Variants in GRID2 observed in about 807,000 individuals in gnomAD.
GRID2 encodes the protein glutamate receptor ionotropic, delta-2.
Under a neutral mutation model 114.8 loss-of-function variants are expected in GRID2, and 33 were observed. The ratio of observed to expected loss-of-function variants is 0.29; its 90% CI spans 0.22 to 0.38. The LOEUF (loss-of-function observed/expected upper bound fraction) is 0.38, where lower values mean the gene tolerates loss of function less well. GRID2 is among the 10% of genes least tolerant of loss of function. GRID2 has a pLI of 1.00. For missense variants in GRID2, 1,184 were observed against 1,257.7 expected (o/e 0.94, Z 0.89); for synonymous variants, 505 against 449.9 (o/e 1.12, Z -1.55).
At chr4:93,623,551 C>G (rs577462836) in intron 13 of GRID2, among the ~76,000 whole-genome samples, 117 of 152,244 alleles carry the variant, frequency 7.7e-4, no homozygotes, top group African/African-American at 2.7e-3. Context: ...TTTATTGCAG[C>G]ACTATTCACA....
At chr4:92,615,928 T>C (rs953057478) in intron 2 of GRID2, among the ~76,000 whole-genome samples, 3 of 151,676 alleles carry the variant, frequency 2.0e-5, no homozygotes, top group African/African-American at 4.8e-5. Context: ...ACTGTTATTA[T>C]GCTGTTATTG....
At chr4:93,495,872 A>G (rs1333652991) in intron 12 of GRID2, among the ~76,000 whole-genome samples, 1 of 151,768 alleles carries the variant, frequency 6.6e-6, no homozygotes, top group Non-Finnish European at 1.5e-5. Context: ...ATTTTGTTTA[A>G]GATATTTAAA....
chr4:93,748,622 G>T (rs1439574048), intron 14 of GRID2, among the ~76,000 whole-genome samples: 2 of 152,146 alleles, frequency 1.3e-5, no homozygotes, highest in African/African-American at 2.4e-5. Flanking sequence ...TTACTTAAAG[G>T]CATGTGTGTA....
At chr4:92,550,381 C>T (rs536665523) in intron 1 of GRID2, among the ~76,000 whole-genome samples, 2 of 152,160 alleles carry the variant, frequency 1.3e-5, no homozygotes, top group South Asian at 4.1e-4. Context: ...TAAGAACCAT[C>T]AACTTATTCT....
chr4:93,200,236 TAAAAG>T (rs1051796572), intron 4 of GRID2, among the ~76,000 whole-genome samples: 1 of 152,182 alleles, frequency 6.6e-6, no homozygotes. Context: ...TAAAAATAAT[TAAAAG>T]GAAAGAAGCA....
At chr4:92,773,020 G>T (rs1738616551) in intron 2 of GRID2, among the ~76,000 whole-genome samples, 1 of 152,078 alleles carries the variant, frequency 6.6e-6, no homozygotes, top group Admixed American at 6.6e-5. Context: ...TCAGCACAAT[G>T]GAAATTTGTA....
intron 2 of GRID2, among the ~76,000 whole-genome samples, chr4:92,693,366 T>G (rs1734272687): frequency 6.6e-6 from 1 of 152,212 alleles, no homozygotes; most frequent in Non-Finnish European, 1.5e-5. Context: ...CCTGTAGACA[T>G]AAATATTCTC....
rs76706990 is a variant in GRID2 at position 92,881,525 on chromosome 4, A to C, written c.245-203470A>C. Among the ~76,000 whole-genome samples, 1,152 of 152,262 alleles carry C rather than the reference A, an allele frequency of 7.6e-3. 18 individuals are homozygous for C. The highest frequency in any genetic ancestry group is 0.026 in the African/African-American group (1,091 of 41,556). On this transcript the variant is annotated intron_variant, in intron 2 of 15. Transcript: ENST00000282020. ...GCTTCCTTTTTTTTCCTGACCCAAT[A>C]ATTGATTTGCATTACAACACAAGTC...
intron 1 of GRID2, among the ~76,000 whole-genome samples, chr4:92,500,732 C>T (rs1009644830): frequency 4.6e-5 from 7 of 152,076 alleles, no homozygotes; most frequent in African/African-American, 1.4e-4. Flanking sequence ...GTAATCCTGC[C>T]TGATACCTGA....
intron 1 of GRID2, among the ~76,000 whole-genome samples, chr4:92,432,053 G>T (rs1454935013): frequency 6.6e-6 from 1 of 152,170 alleles, no homozygotes; most frequent in Admixed American, 6.5e-5. Flanking sequence ...GGTTTACCAG[G>T]CGGGGAATCT....
At chr4:93,037,201 T>C (rs1437761081) in intron 2 of GRID2, among the ~76,000 whole-genome samples, 2 of 152,204 alleles carry the variant, frequency 1.3e-5, no homozygotes, top group Non-Finnish European at 2.9e-5. Flanking sequence ...TGATGAACTC[T>C]CAAGTCCCTA....
In GRID2 at chr4:93,607,632, C is replaced by A. The variant is rs987297635; in HGVS notation, c.2194-18637C>A. On this transcript the variant is annotated intron_variant, in intron 13 of 15. Transcript: ENST00000282020. ...ATGTTGCTTTTGAAAAAGGCTATAA[C>A]ATTTTCCTGTTTCCACTAGCAATAT... 3.3e-5 allele frequency among the ~76,000 whole-genome samples: 5 copies of A among 152,210 alleles called. No individual in the cohort carries two copies. In the East Asian group the frequency reaches 7.7e-4, roughly 24 times the overall value.
intron 10 of GRID2, among the ~76,000 whole-genome samples, chr4:93,453,586 T>G (rs940676755): frequency 6.6e-6 from 1 of 152,150 alleles, no homozygotes; most frequent in Non-Finnish European, 1.5e-5. Context: ...GCTATTTTTA[T>G]TCTATTTTAA....
chr4:93,474,913 A>T (rs1297105602), intron 11 of GRID2, among the ~76,000 whole-genome samples: 1 of 152,148 alleles, frequency 6.6e-6, no homozygotes, highest in African/African-American at 2.4e-5. Context: ...ATACTTAACA[A>T]ATAGAGGCTT....
intron 2 of GRID2, among the ~76,000 whole-genome samples, chr4:92,858,188 T>C (rs1486960177): frequency 1.3e-5 from 2 of 152,236 alleles, no homozygotes; most frequent in African/African-American, 4.8e-5. Flanking sequence ...ACAACATTCA[T>C]TCTGAAGAAC....
chr4:93,371,017 C>T (rs919404082), intron 8 of GRID2, among the ~76,000 whole-genome samples: 9 of 152,136 alleles, frequency 5.9e-5, no homozygotes, highest in African/African-American at 2.2e-4. Context: ...ACCAGGAACT[C>T]AATATGGAGA....
chr4:92,808,551 C>T (rs569893912), intron 2 of GRID2, among the ~76,000 whole-genome samples: 11 of 152,056 alleles, frequency 7.2e-5, no homozygotes, highest in African/African-American at 2.4e-4. Context: ...ACTTCCATTT[C>T]GGAAGAAACT....
chr4:92,470,935 A>G (rs1378500103), intron 1 of GRID2, among the ~76,000 whole-genome samples: 1 of 152,024 alleles, frequency 6.6e-6, no homozygotes, highest in Non-Finnish European at 1.5e-5. Flanking sequence ...AGCAATGTAC[A>G]TTATAATTTT....
At chr4:92,483,375 C>T (rs1722710605) in intron 1 of GRID2, among the ~76,000 whole-genome samples, 2 of 151,992 alleles carry the variant, frequency 1.3e-5, no homozygotes, top group South Asian at 4.1e-4. Context: ...ACCACAATAA[C>T]AATACAAGCT....
Sources: gnomAD v4.1 joint callset for allele counts (sites outside exome capture counted in the v4.1 genomes callset) on GRCh38, gnomAD v4.1.1 for gene constraint, MANE v1.5 for transcripts, NCBI Gene and HGNC (gene_info 2026-07-23, HGNC 2026-07-21) for gene names.